TBL1XR1: variants seen among roughly 807,000 people sequenced by gnomAD.
TBL1XR1 encodes TBL1X/Y related 1, also known as F-box-like/WD repeat-containing protein TBL1XR1.
TBL1XR1 carries 5 observed loss-of-function variants against 66.9 expected under a neutral mutation model. That is an observed-to-expected ratio of 0.07 (90% CI 0.04 to 0.16). The LOEUF (loss-of-function observed/expected upper bound fraction) is 0.16. Ranked by LOEUF, TBL1XR1 falls within the 10% of genes least tolerant of loss-of-function variation. The pLI is 1.00. For synonymous variants in TBL1XR1, 210 were observed against 206.0 expected, an observed-to-expected ratio of 1.02 and a Z score of -0.17; for missense variants, 238 against 623.2, an observed-to-expected ratio of 0.38 and a Z score of 6.58.
intron 1 of TBL1XR1, among the ~76,000 whole-genome samples, chr3:177,187,948 T>C (rs76762487): frequency 7.7e-6 from 1 of 130,224 alleles, no homozygotes; most frequent in Non-Finnish European, 1.6e-5. Context: ...ATTTCCTTTT[T>C]TTTTTTTTTT....
At chr3:177,201,375 C>T (rs1041360859), upstream of TBL1XR1, among the ~76,000 whole-genome samples, 11 of 139,200 alleles carry the variant, frequency 7.9e-5, no homozygotes, top group African/African-American at 1.9e-4. Flanking sequence ...CTTGCCATTG[C>T]ACTCCAGCCT....
chr3:177,045,986 C>G, intron 10 of TBL1XR1, 143 bp downstream of exon 10: 1 of 607,170 alleles, frequency 1.6e-6, no homozygotes, highest in South Asian at 2.1e-5. Context: ...GTCTGAATGT[C>G]ATGGAACATC....
intron 1 of TBL1XR1, among the ~76,000 whole-genome samples, chr3:177,106,715 G>A (rs1271328058): frequency 1.3e-5 from 2 of 152,172 alleles, no homozygotes; most frequent in African/African-American, 4.8e-5. Flanking sequence ...TTGTTATAAA[G>A]GAAGCTCCTT....
chr3:177,117,709 C>T (rs964923815), intron 1 of TBL1XR1, among the ~76,000 whole-genome samples: 1 of 152,146 alleles, frequency 6.6e-6, no homozygotes, highest in Non-Finnish European at 1.5e-5. Flanking sequence ...AGTACAGTGA[C>T]TAATCTTCTA....
At chr3:177,176,146 T>C (rs1421282843) in intron 1 of TBL1XR1, among the ~76,000 whole-genome samples, 1 of 151,934 alleles carries the variant, frequency 6.6e-6, no homozygotes, top group Non-Finnish European at 1.5e-5. Context: ...GTAAAATAAA[T>C]AAAAATCAAT....
At chr3:177,185,036 T>TA (rs565866234) in intron 1 of TBL1XR1, among the ~76,000 whole-genome samples, 1 of 152,146 alleles carries the variant, frequency 6.6e-6, no homozygotes, top group Non-Finnish European at 1.5e-5. Context: ...TCCAAAGAAA[T>TA]AAAGTTTTTA....
At chr3:177,114,232 C>CATCATATATATATACATCTCATATATATA (rs1726006973) in intron 1 of TBL1XR1, among the ~76,000 whole-genome samples, 1 of 151,392 alleles carries the variant, frequency 6.6e-6, no homozygotes, top group East Asian at 1.9e-4. Context: ...TATACATACA[C>CATCATATATATATACATCTCATATATATA]ATCATATATA....
chr3:177,168,154 A>G (rs932086278), intron 1 of TBL1XR1, among the ~76,000 whole-genome samples: 3 of 152,238 alleles, frequency 2.0e-5, no homozygotes, highest in African/African-American at 7.2e-5. Flanking sequence ...ATTCTGTCAC[A>G]GGTAAATTAA....
chr3:177,039,754 G>A, intron 10 of TBL1XR1, among the ~76,000 whole-genome samples: 1 of 152,126 alleles, frequency 6.6e-6, no homozygotes, highest in East Asian at 1.9e-4. Context: ...AGCCAAGAAT[G>A]GCTTTTATAG....
At chr3:177,050,430 T>A in intron 6 of TBL1XR1, 48 bp downstream of exon 6, 1 of 1,598,066 alleles carries the variant, frequency 6.3e-7, no homozygotes, top group Non-Finnish European at 8.5e-7. Context: ...TATAAAATGT[T>A]CAATAAGATA....
chr3:177,197,951 G>A (rs943738419), upstream of TBL1XR1, among the ~76,000 whole-genome samples: 7 of 150,930 alleles, frequency 4.6e-5, no homozygotes, highest in Admixed American at 3.3e-4. Flanking sequence ...GGCCGGGGTG[G>A]AGCCGCCGGC....
intron 1 of TBL1XR1, among the ~76,000 whole-genome samples, chr3:177,137,240 C>T (rs539183156): frequency 3.3e-5 from 5 of 152,344 alleles, no homozygotes; most frequent in African/African-American, 1.2e-4. Context: ...CGCCTGTAAT[C>T]CCAGCACTTT....
At chr3:177,125,102 T>C (rs1021633660) in intron 1 of TBL1XR1, among the ~76,000 whole-genome samples, 3 of 151,262 alleles carry the variant, frequency 2.0e-5, no homozygotes, top group African/African-American at 7.3e-5. Flanking sequence ...ACATTTTCAT[T>C]TCAAAAGACA....
chr3:177,156,162 T>A (rs1577334369), intron 1 of TBL1XR1, among the ~76,000 whole-genome samples: 5 of 49,290 alleles, frequency 1.0e-4, no homozygotes, highest in East Asian at 6.6e-4. Flanking sequence ...ACTTCTACTC[T>A]ACCAAAAAAA....
intron 1 of TBL1XR1, among the ~76,000 whole-genome samples, chr3:177,122,610 CATA>C (rs1469233582): frequency 1.3e-5 from 2 of 152,110 alleles, no homozygotes; most frequent in African/African-American, 4.8e-5. Flanking sequence ...GGCTAGCTTT[CATA>C]ATGTTATTAA....
intron 1 of TBL1XR1, among the ~76,000 whole-genome samples, chr3:177,113,704 C>T (rs943057808): frequency 1.3e-5 from 2 of 151,978 alleles, no homozygotes; most frequent in African/African-American, 2.4e-5. Context: ...AAATAAATGG[C>T]AAAAGACCTG....
chr3:177,058,387 C>T (rs1031984327), intron 3 of TBL1XR1, among the ~76,000 whole-genome samples: 1 of 152,194 alleles, frequency 6.6e-6, no homozygotes, highest in African/African-American at 2.4e-5. Flanking sequence ...TACTGATACA[C>T]TAGCTATAAA....
intron 1 of TBL1XR1, among the ~76,000 whole-genome samples, chr3:177,172,235 C>T (rs184793721): frequency 5.4e-5 from 7 of 130,060 alleles, no homozygotes; most frequent in Admixed American, 3.7e-4. Flanking sequence ...CGCTCCAGCT[C>T]GGGAGACAAA....
At chr3:177,030,427 A>G (rs1713816074) in intron 14 of TBL1XR1, among the ~76,000 whole-genome samples, 3 of 152,112 alleles carry the variant, frequency 2.0e-5, no homozygotes, top group Admixed American at 2.0e-4. Context: ...AAGACATACA[A>G]TAGAAGATTC....
Sources: gnomAD v4.1 joint callset for allele counts (sites outside exome capture counted in the v4.1 genomes callset) on GRCh38, gnomAD v4.1.1 for gene constraint, MANE v1.5 for transcripts, NCBI Gene and HGNC (gene_info 2026-07-23, HGNC 2026-07-21) for gene names.